Variants in SMARCD1 observed in about 807,000 individuals in gnomAD.
The protein encoded by SMARCD1 is SWI/SNF-related matrix-associated actin-dependent regulator of chromatin subfamily D member 1.
SMARCD1 carries 16 observed loss-of-function variants against 70.8 expected under a neutral mutation model. The observed-to-expected ratio is 0.23, with a 90% CI of 0.15 to 0.34. SMARCD1 has a LOEUF of 0.34. Among genes scored for constraint, SMARCD1 ranks in the 10% least tolerant of loss-of-function variants. The pLI, the probability that SMARCD1 is intolerant of heterozygous loss-of-function variation, is 1.00. For missense variants in SMARCD1, 409 were observed against 655.5 expected (o/e 0.62, Z 4.11); for synonymous variants, 249 against 246.0 (o/e 1.01, Z -0.11).
intron 9 of SMARCD1, among the ~76,000 whole-genome samples, chr12:50,090,821 C>CTT (rs11443542): frequency 0.54 from 55,100 of 102,482 alleles, 17,914 homozygotes; most frequent in East Asian, 0.67. Flanking sequence ...TGTATTTGTG[C>CTT]TTTTTTTTTT....
intron 4 of SMARCD1, 27 bp from the exon 5 acceptor site, chr12:50,087,336 G>T (rs776341986): frequency 1.2e-5 from 20 of 1,611,280 alleles, no homozygotes; most frequent in South Asian, 2.2e-5. Flanking sequence ...GAAGCCCCAC[G>T]ATCAATCCTG....
Position 50,088,893 on chromosome 12 carries a change from A to G in SMARCD1, c.771+256A>G, listed in dbSNP as rs761603663. On this transcript the variant is annotated intron_variant, in intron 6 of 12. Transcript: ENST00000394963. ...TGGTCACTGCCACCTCTTTCAAGGG[A>G]AAGTCTACTGGTGGCCTCTTGTATG... 234 of 253,078 alleles carry G rather than the reference A, an allele frequency of 9.2e-4. 1 individual carries two copies. The highest frequency in any genetic ancestry group is 1.2e-3 in the Middle Eastern group (1 of 804). The allele number at this position is 253,078 out of a possible 1,614,324, so 15.7% of individuals were successfully genotyped here. A position where few individuals can be genotyped will look rare whatever the true frequency, so the allele number is the denominator to read the frequency against.
In SMARCD1 at chr12:50,098,764, C is replaced by A; in HGVS notation, c.1443C>A (p.Phe481Leu). 6.2e-7 allele frequency: 1 copy of A among 1,614,138 alleles called. No homozygotes were observed. Among genetic ancestry groups the A allele is most frequent in the Non-Finnish European group, 8.5e-7 (1 of 1,180,010 alleles). Residue 481 changes from phenylalanine (F) to leucine (L), a missense_variant, in exon 12 of 13, where the codon TTC becomes TTA. Transcript: ENST00000394963. ...CAGAGGAGGAGCGCCGAGCTGAGTT[C>A]TACTTCCAGCCCTGGGCTCAGGAGG... The part of the protein sequence containing the change: ...GNPEEERRAE[F>L]YFQPWAQEAV...
chr12:50,088,969 T>C (rs1002863825), intron 6 of SMARCD1: 5 of 167,960 alleles, frequency 3.0e-5, no homozygotes, highest in African/African-American at 1.2e-4. Context: ...GATGTAGTTA[T>C]CCATTTTTCC....
chr12:50,091,636 G>A (rs1050539973), intron 9 of SMARCD1, among the ~76,000 whole-genome samples: 1 of 151,586 alleles, frequency 6.6e-6, no homozygotes, highest in African/African-American at 2.4e-5. Context: ...GTGTGCAATG[G>A]CATGATCTCA....
At chr12:50,085,708 A>G in intron 1 of SMARCD1, 162 bp downstream of exon 1, 1 of 501,056 alleles carries the variant, frequency 2.0e-6, no homozygotes, top group East Asian at 3.6e-5. Context: ...AGGGGGAGGC[A>G]GTTACACACC....
At chr12:50,086,591 C>T in intron 2 of SMARCD1, 30 bp from the exon 3 acceptor site, 1 of 1,609,554 alleles carries the variant, frequency 6.2e-7, no homozygotes, top group Non-Finnish European at 8.5e-7. Context: ...AGTTCTGTCC[C>T]AACCTGATAA....
intron 9 of SMARCD1, among the ~76,000 whole-genome samples, chr12:50,093,299 G>A (rs913009590): frequency 1.4e-5 from 2 of 147,968 alleles, no homozygotes; most frequent in African/African-American, 5.0e-5. Context: ...AGCAATTCTC[G>A]TGCCTCAGCC....
Position 50,099,492 on chromosome 12 carries a change from G to A in SMARCD1, c.*492G>A. ...TTCCTTCCTTCCCTCCACAGGTTTG[G>A]AACAAACTCTCCCTTCACTTGTTGC... is the stretch of plus-strand genomic sequence containing the variant. On this transcript the variant is annotated 3_prime_UTR_variant, in exon 13 of 13. Coordinates refer to ENST00000394963, the MANE Select transcript of SMARCD1 (RefSeq NM_003076.5). The A allele has an allele frequency of 2.5e-6, 1 of 404,092 alleles. No individual in the cohort carries two copies. Among genetic ancestry groups the A allele is most frequent in the Non-Finnish European group, 4.4e-6 (1 of 229,312 alleles). The allele number at this position is 404,092 out of a possible 1,614,324, so 25.0% of individuals were successfully genotyped here. A position where few individuals can be genotyped will look rare whatever the true frequency, so the allele number is the denominator to read the frequency against.
chr12:50,086,479 TTGGTGGTGG>T (rs143955263), intron 2 of SMARCD1, 131 bp downstream of exon 2: 3 of 781,620 alleles, frequency 3.8e-6, no homozygotes, highest in South Asian at 3.4e-5. Flanking sequence ...TTGAGAATGC[TTGGTGGTGG>T]TGGTGGTGGT....
intron 9 of SMARCD1, among the ~76,000 whole-genome samples, chr12:50,091,072 A>C (rs182331369): frequency 0.013 from 1,903 of 151,604 alleles, 37 homozygotes; most frequent in African/African-American, 0.044. Context: ...CTGCCCGCCG[A>C]GCCTCGTGAT....
chr12:50,099,254 AC>A lies in SMARCD1; in HGVS notation c.*256del. On this transcript the variant is annotated 3_prime_UTR_variant, in exon 13 of 13. Coordinates refer to ENST00000394963, the MANE Select transcript of SMARCD1 (RefSeq NM_003076.5). ...TGTACCCTCCCCTGGTCTACATAGG[AC>A]CTCTAGATAGTGTTAGAGAGAGAAC... is the stretch of plus-strand genomic sequence containing the variant. 1.7e-6 allele frequency: 1 copy of A among 601,320 alleles called. No homozygotes were observed. Among genetic ancestry groups the A allele is most frequent in the Middle Eastern group, 4.4e-4 (1 of 2,248 alleles). 37.2% of individuals were successfully genotyped at this position (601,320 alleles called of 1,614,324 possible). A position where few individuals can be genotyped will look rare whatever the true frequency, so the allele number is the denominator to read the frequency against.
intron 9 of SMARCD1, among the ~76,000 whole-genome samples, chr12:50,093,354 A>C (rs955238929): frequency 6.6e-6 from 1 of 151,474 alleles, no homozygotes; most frequent in African/African-American, 2.4e-5. Context: ...TTTTGTATTG[A>C]GGTTTCGCCA....
Position 50,090,001 on chromosome 12 carries a change from G to A in SMARCD1, c.873+16G>A, listed in dbSNP as rs1950826732. ...GGATTACCAGGTATTCTGTGGTGGT[G>A]TGAGGGGGTCCAGCTTTCACAGCCA... On this transcript the variant is annotated intron_variant, in intron 7 of 12. Coordinates refer to ENST00000394963, the MANE Select transcript of SMARCD1 (RefSeq NM_003076.5). The A allele has an allele frequency of 6.3e-7, 1 of 1,592,536 alleles. No individual in the cohort carries two copies. Among genetic ancestry groups the A allele is most frequent in the Non-Finnish European group, 8.6e-7 (1 of 1,160,300 alleles).
chr12:50,087,503 A>G lies in SMARCD1; in HGVS notation c.654+18A>G, dbSNP rs1950802321. The G allele has an allele frequency of 1.2e-6, 2 of 1,612,428 alleles. No individual in the cohort carries two copies. The highest frequency in any genetic ancestry group is 1.7e-6 in the Non-Finnish European group (2 of 1,179,284). On this transcript the variant is annotated intron_variant, in intron 5 of 12. Transcript: ENST00000394963. ...TGGAGGATGTGAGTTCAAGGTCCAC[A>G]ATGGTTGGCATCTAGGGTGGGAGCT...
At chr12:50,086,139 C>T in intron 1 of SMARCD1, 22 bp from the exon 2 acceptor site, 1 of 1,469,620 alleles carries the variant, frequency 6.8e-7, no homozygotes, top group South Asian at 1.5e-5. Flanking sequence ...CATGACATCT[C>T]TGGGTCCTCT....
chr12:50,090,898 C>G (rs1284860311), intron 9 of SMARCD1, among the ~76,000 whole-genome samples: 2 of 139,328 alleles, frequency 1.4e-5, no homozygotes, highest in Non-Finnish European at 3.0e-5. Context: ...GATCTCGGCT[C>G]ACTGCAAGCT....
Position 50,099,114 on chromosome 12 carries a change from G to T in SMARCD1, c.*114G>T, listed in dbSNP as rs533226577. ...TGGGGCGTTCCAGGGGATGCTGTTG[G>T]TTCAAGGACAACACCAGAATGAAGA... On this transcript the variant is annotated 3_prime_UTR_variant, in exon 13 of 13. Coordinates refer to ENST00000394963, the MANE Select transcript of SMARCD1 (RefSeq NM_003076.5). 85 of 917,746 alleles carry T rather than the reference G, an allele frequency of 9.3e-5. 1 individual carries two copies. In the African/African-American group the frequency reaches 1.0e-3, roughly 11 times the overall value. The allele number at this position is 917,746 out of a possible 1,614,324, so 56.9% of individuals were successfully genotyped here.
intron 9 of SMARCD1, among the ~76,000 whole-genome samples, chr12:50,093,458 C>T (rs1157170438): frequency 1.3e-5 from 2 of 151,528 alleles, no homozygotes; most frequent in African/African-American, 4.9e-5. Flanking sequence ...GCCACCGCAC[C>T]TGGCCAAAAA....
Sources: allele counts gnomAD v4.1 joint callset (sites outside exome capture counted in the v4.1 genomes callset), GRCh38; gene constraint gnomAD v4.1.1; transcripts MANE v1.5; gene names NCBI Gene and HGNC (gene_info 2026-07-23, HGNC 2026-07-21).